The following GRID2 variants were observed in gnomAD, a reference collection of about 807,000 sequenced individuals.
The protein encoded by GRID2 is glutamate receptor ionotropic, delta-2.
Under a neutral mutation model 114.8 loss-of-function variants are expected in GRID2, and 33 were observed. The observed-to-expected ratio is 0.29, with a 90% CI of 0.22 to 0.38. The LOEUF (loss-of-function observed/expected upper bound fraction) is 0.38. GRID2 is among the 10% of genes least tolerant of loss of function. The pLI is 1.00. For missense variants in GRID2, 1,184 were observed against 1,257.7 expected (o/e 0.94, Z 0.89); for synonymous variants, 505 against 449.9 (o/e 1.12, Z -1.55).
intron 2 of GRID2, among the ~76,000 whole-genome samples, chr4:92,683,822 T>G (rs12505583): frequency 6.6e-6 from 1 of 151,582 alleles, no homozygotes; most frequent in African/African-American, 2.4e-5. Flanking sequence ...ATAATCTTTC[T>G]TAATTTTTAA....
At chr4:92,415,889 ATAGTGACTTCTTT>A (rs1225329806) in intron 1 of GRID2, among the ~76,000 whole-genome samples, 3 of 151,014 alleles carry the variant, frequency 2.0e-5, no homozygotes, top group Non-Finnish European at 4.4e-5. Context: ...TCTTTTTCAT[ATAGTGACTTCTTT>A]TCCTCCAGGT....
chr4:92,833,226 T>C lies in GRID2; in HGVS notation c.244+242940T>C, dbSNP rs181214253. ...TACTTCCAGAGAAGCGGGGGAAGTC[T>C]GTAATAAAATCATCTGACATGGACT... On this transcript the variant is annotated intron_variant, in intron 2 of 15. Transcript: ENST00000282020. Among the ~76,000 whole-genome samples the C allele has an allele frequency of 3.8e-3, 575 of 152,312 alleles. 4 individuals carry two copies. Among genetic ancestry groups the C allele is most frequent in the African/African-American group, 0.013 (535 of 41,572 alleles).
Position 93,078,217 on chromosome 4 carries a change from A to T in GRID2, c.245-6778A>T, listed in dbSNP as rs1478451642. ...TTTCTTTACTCTTTTTCGTCAAGGT[A>T]ACCTCCATCCACTTAATTAGTTCCT... On this transcript the variant is annotated intron_variant, in intron 2 of 15. Transcript: ENST00000282020. 5.9e-5 allele frequency among the ~76,000 whole-genome samples: 9 copies of T among 152,206 alleles called. No individual in the cohort carries two copies. The East Asian group carries it at 1.7e-3, about 30-fold the overall frequency.
chr4:92,971,976 G>A (rs1293793457), intron 2 of GRID2, among the ~76,000 whole-genome samples: 2 of 152,042 alleles, frequency 1.3e-5, no homozygotes, highest in Non-Finnish European at 2.9e-5. Context: ...CTTGGCTATT[G>A]AGAATAATGC....
At chr4:92,600,282 TAAA>T (rs1041122888) in intron 2 of GRID2, among the ~76,000 whole-genome samples, 3 of 151,520 alleles carry the variant, frequency 2.0e-5, no homozygotes, top group Non-Finnish European at 2.9e-5. Flanking sequence ...TTCATGTTAT[TAAA>T]CCTGAGCAAG....
chr4:92,794,346 C>T (rs1739747382), intron 2 of GRID2, among the ~76,000 whole-genome samples: 1 of 151,682 alleles, frequency 6.6e-6, no homozygotes, highest in Non-Finnish European at 1.5e-5. Context: ...TTTATAACAC[C>T]CTATCACCCT....
Position 93,727,901 on chromosome 4 carries a change from A to G in GRID2, c.2361-41309A>G, listed in dbSNP as rs554141484. On this transcript the variant is annotated intron_variant, in intron 14 of 15. Transcript: ENST00000282020. ...TTTCTTCTTTATTAGTCTTGCTAGC[A>G]GTCTATCAATTTTGTTGATCCTTTC... Among the ~76,000 whole-genome samples the G allele has an allele frequency of 1.3e-3, 198 of 152,114 alleles. 1 individual carries two copies. Among genetic ancestry groups the G allele is most frequent in the African/African-American group, 4.6e-3 (190 of 41,512 alleles).
chr4:93,630,552 G>A (rs967846678), intron 14 of GRID2, among the ~76,000 whole-genome samples: 5 of 152,114 alleles, frequency 3.3e-5, no homozygotes, highest in Middle Eastern at 3.2e-3. Flanking sequence ...TCCATAAAGA[G>A]GTCACATTTT....
At chr4:93,053,240 T>C (rs1238383761) in intron 2 of GRID2, among the ~76,000 whole-genome samples, 2 of 151,952 alleles carry the variant, frequency 1.3e-5, no homozygotes, top group Admixed American at 6.6e-5. Context: ...AGATATGTTA[T>C]GTGAGAAACA....
intron 14 of GRID2, among the ~76,000 whole-genome samples, chr4:93,678,440 C>A (rs1725144138): frequency 6.6e-6 from 1 of 151,570 alleles, no homozygotes; most frequent in African/African-American, 2.4e-5. Flanking sequence ...CACAAAGCTA[C>A]TCCTCGAGAA....
Position 93,500,401 on chromosome 4 carries a change from C to T in GRID2, c.1997+9624C>T, listed in dbSNP as rs551254229. ...TTTCTCTAGGCACTCATATAGATTC[C>T]TTGGCCTGTCTTTCTCTCTGCCCCC... On this transcript the variant is annotated intron_variant, in intron 12 of 15. Coordinates refer to ENST00000282020, the MANE Select transcript of GRID2 (RefSeq NM_001510.4). Among the ~76,000 whole-genome samples, 16 of 152,028 alleles carry T rather than the reference C, an allele frequency of 1.1e-4. No homozygotes were observed. The South Asian group carries it at 3.1e-3, about 30-fold the overall frequency.
intron 4 of GRID2, among the ~76,000 whole-genome samples, chr4:93,199,471 C>T (rs1238503777): frequency 6.6e-6 from 1 of 152,146 alleles, no homozygotes. Context: ...TTTTCATCTC[C>T]CACAGGGTGT....
chr4:93,744,823 A>T (rs1390843581), intron 14 of GRID2, among the ~76,000 whole-genome samples: 7 of 151,772 alleles, frequency 4.6e-5, no homozygotes, highest in African/African-American at 1.5e-4. Context: ...TTGATACAGC[A>T]ACCCTCATTG....
chr4:92,995,677 A>G (rs1172267617), intron 2 of GRID2, among the ~76,000 whole-genome samples: 1 of 152,176 alleles, frequency 6.6e-6, no homozygotes, highest in Non-Finnish European at 1.5e-5. Context: ...TCTGAACTAT[A>G]TATGGCATTA....
intron 1 of GRID2, 75 bp downstream of exon 1, chr4:92,304,819 CTCTCCGG>C: frequency 1.9e-6 from 2 of 1,026,800 alleles, no homozygotes; most frequent in South Asian, 2.6e-5. Context: ...CGCTTTCCCC[CTCTCCGG>C]TCTCTGTGTG....
At chr4:93,392,305 A>G (rs1484933366) in intron 8 of GRID2, among the ~76,000 whole-genome samples, 1 of 152,154 alleles carries the variant, frequency 6.6e-6, no homozygotes, top group East Asian at 1.9e-4. Flanking sequence ...TAACCAGAGA[A>G]GTCAAATTAA....
intron 2 of GRID2, among the ~76,000 whole-genome samples, chr4:92,974,654 A>G (rs916735639): frequency 6.6e-6 from 1 of 151,866 alleles, no homozygotes; most frequent in Non-Finnish European, 1.5e-5. Context: ...TGGACACAGG[A>G]AGGGAAACAT....
chr4:92,339,926 T>C (rs1199371683), intron 1 of GRID2, among the ~76,000 whole-genome samples: 1 of 152,192 alleles, frequency 6.6e-6, no homozygotes, highest in African/African-American at 2.4e-5. Flanking sequence ...AAAGCTCGTT[T>C]TTATTAGGCT....
chr4:92,354,146 G>C (rs184173441), intron 1 of GRID2, among the ~76,000 whole-genome samples: 1 of 152,096 alleles, frequency 6.6e-6, no homozygotes, highest in East Asian at 1.9e-4. Flanking sequence ...CAGAACCAGG[G>C]ACCAGCGTTC....
Sources: allele counts gnomAD v4.1 joint callset (sites outside exome capture counted in the v4.1 genomes callset), GRCh38; gene constraint gnomAD v4.1.1; transcripts MANE v1.5; gene names NCBI Gene and HGNC (gene_info 2026-07-23, HGNC 2026-07-21).